Variants in MAP4K5 observed in about 807,000 individuals in gnomAD.
MAP4K5 encodes the protein MAPK/ERK kinase kinase kinase 5.
A neutral mutation model predicts 135.6 loss-of-function variants in MAP4K5; 82 were observed. The ratio of observed to expected loss-of-function variants is 0.60; its 90% CI spans 0.51 to 0.73. The LOEUF (loss-of-function observed/expected upper bound fraction) is 0.73. Ranked by LOEUF, MAP4K5 falls within the 30% of genes least tolerant of loss-of-function variation. The probability of loss-of-function intolerance (pLI) is 0.00; values close to 1 mark genes in which losing one functional copy is unlikely to be tolerated. For missense variants in MAP4K5, 907 were observed against 1,010.9 expected (o/e 0.90, Z 1.39); for synonymous variants, 347 against 335.0 (o/e 1.04, Z -0.39).
intron 1 of MAP4K5, among the ~76,000 whole-genome samples, chr14:50,548,654 C>G (rs945436759): frequency 4.6e-5 from 7 of 152,096 alleles, no homozygotes; most frequent in African/African-American, 1.7e-4. Context: ...GGACTACAGG[C>G]ACACACCGCC....
At chr14:50,487,303 C>T (rs1395057465) in intron 3 of MAP4K5, among the ~76,000 whole-genome samples, 1 of 152,072 alleles carries the variant, frequency 6.6e-6, no homozygotes, top group Non-Finnish European at 1.5e-5. Flanking sequence ...CGAGACTCCA[C>T]CTCAAAAACA....
chr14:50,486,116 C>A lies in MAP4K5; in HGVS notation c.245G>T (p.Gly82Val). 1 of 1,352,718 alleles carries A rather than the reference C, an allele frequency of 7.4e-7. No individual in the cohort carries two copies. Among genetic ancestry groups the A allele is most frequent in the South Asian group, 1.4e-5 (1 of 74,054 alleles). 83.8% of individuals were successfully genotyped at this position (1,352,718 alleles called of 1,614,324 possible). ...TTTTTTCTCTTACCTAAGATAACTC[C>A]CAAAGTAGGCAACGATGTTACAATG... ...CKHCNIVAYFGSYLSREKLWI... is the reference protein window; with the variant it reads ...CKHCNIVAYFVSYLSREKLWI... Residue 82 changes from glycine (G) to valine (V), a missense_variant, in exon 4 of 33, where the codon GGG (glycine) becomes GTG (valine). By Grantham distance (109) the Gly-to-Val change is moderately radical. This residue lies in a region of MAP4K5 where 196 missense variants were observed against 189.3 expected (regional missense o/e 1.04). Coordinates refer to ENST00000682126, the MANE Select transcript of MAP4K5 (RefSeq NM_006575.6).
chr14:50,508,200 G>A (rs991353077), intron 2 of MAP4K5, among the ~76,000 whole-genome samples: 5 of 151,800 alleles, frequency 3.3e-5, no homozygotes, highest in African/African-American at 1.2e-4. Context: ...CATTTCCTTG[G>A]TAGATTTTCC....
chr14:50,523,750 G>A (rs1310843778), intron 2 of MAP4K5, among the ~76,000 whole-genome samples: 2 of 152,084 alleles, frequency 1.3e-5, no homozygotes, highest in Non-Finnish European at 2.9e-5. Context: ...TTCCATGAGG[G>A]GAGGAATCTT....
At chr14:50,509,916 A>G (rs28733648) in intron 2 of MAP4K5, among the ~76,000 whole-genome samples, 65 of 152,358 alleles carry the variant, frequency 4.3e-4, no homozygotes, top group African/African-American at 1.5e-3. Flanking sequence ...AGATTTAAGT[A>G]TAAGTGCCAT....
Position 50,486,099 on chromosome 14 carries a change from CT to C in MAP4K5, c.257+4del. Reference sequence around the variant, plus strand: ...AGAGAGAGATGATGCTTTTTTTTCTCTTACCTAAGATAACTCCCAAAGTAGG... The same window carrying C: ...AGAGAGAGATGATGCTTTTTTTTCTCTACCTAAGATAACTCCCAAAGTAGG... On this transcript the variant is annotated splice_donor_region_variant and intron_variant, in intron 4 of 32. Coordinates refer to ENST00000682126, the MANE Select transcript of MAP4K5 (RefSeq NM_006575.6). The C allele has an allele frequency of 8.7e-7, 1 of 1,147,510 alleles. No individual in the cohort carries two copies. The highest frequency in any genetic ancestry group is 1.3e-6 in the Non-Finnish European group (1 of 798,886). 71.1% of individuals were successfully genotyped at this position (1,147,510 alleles called of 1,614,324 possible).
Position 50,553,681 on chromosome 14 carries a change from A to C in MAP4K5, c.-180+7359T>G, listed in dbSNP as rs1310750237. On this transcript the variant is annotated intron_variant, in intron 1 of 8. Coordinates refer to the MAP4K5 transcript ENST00000555216. Reference sequence around the variant, plus strand: ...GTTTGTAGCAGCACAATTCACAATTACAAAGATATGGAACCAAGCTAAATG... The same window carrying C: ...GTTTGTAGCAGCACAATTCACAATTCCAAAGATATGGAACCAAGCTAAATG... 2.0e-5 allele frequency among the ~76,000 whole-genome samples: 3 copies of C among 152,240 alleles called. No individual in the cohort carries two copies. The East Asian group carries it at 5.8e-4, about 29-fold the overall frequency.
intron 3 of MAP4K5, among the ~76,000 whole-genome samples, chr14:50,487,586 A>G (rs1312357234): frequency 1.3e-5 from 2 of 152,240 alleles, no homozygotes; most frequent in Non-Finnish European, 2.9e-5. Flanking sequence ...GGTTACGTAT[A>G]CCTTAAACAT....
intron 14 of MAP4K5, among the ~76,000 whole-genome samples, chr14:50,454,177 A>G (rs2139769963): frequency 6.6e-6 from 1 of 152,292 alleles, no homozygotes; most frequent in East Asian, 1.9e-4. Context: ...TGCTTTTTGT[A>G]TAATTCCATT....
chr14:50,450,810 C>A (rs1329253128), intron 14 of MAP4K5, among the ~76,000 whole-genome samples: 1 of 152,084 alleles, frequency 6.6e-6, no homozygotes, highest in Admixed American at 6.5e-5. Context: ...AGTAGACATA[C>A]CAGGTAATTA....
intron 1 of MAP4K5, among the ~76,000 whole-genome samples, chr14:50,550,264 C>G (rs1380459649): frequency 1.3e-5 from 2 of 152,210 alleles, no homozygotes; most frequent in Non-Finnish European, 2.9e-5. Flanking sequence ...TAAGCCAGAA[C>G]TGAAGCCTGT....
chr14:50,429,427 A>G (rs913485966), intron 28 of MAP4K5, among the ~76,000 whole-genome samples, 167 bp from the exon 29 acceptor site: 12 of 152,228 alleles, frequency 7.9e-5, no homozygotes, highest in Non-Finnish European at 1.8e-4. Flanking sequence ...AATCAATTTA[A>G]GAGGACAAAT....
At chr14:50,477,092 A>G (rs552097453) in intron 6 of MAP4K5, among the ~76,000 whole-genome samples, 2 of 152,268 alleles carry the variant, frequency 1.3e-5, no homozygotes, top group South Asian at 4.1e-4. Flanking sequence ...TCATCTCAAC[A>G]GTATTGAGTC....
At chr14:50,469,542 G>A (rs1381769767) in intron 9 of MAP4K5, among the ~76,000 whole-genome samples, 1 of 152,164 alleles carries the variant, frequency 6.6e-6, no homozygotes, top group Non-Finnish European at 1.5e-5. Flanking sequence ...AAACTGCATG[G>A]CAAGATGAAG....
chr14:50,468,873 G>C, intron 9 of MAP4K5, 91 bp from the exon 10 acceptor site: 1 of 1,213,252 alleles, frequency 8.2e-7, no homozygotes, highest in Non-Finnish European at 1.2e-6. Context: ...TTGTTGGAGG[G>C]AAGGAAGCTG....
intron 15 of MAP4K5, 78 bp downstream of exon 15, chr14:50,448,696 T>G: frequency 1.3e-6 from 1 of 768,738 alleles, no homozygotes; most frequent in Non-Finnish European, 2.1e-6. Context: ...CTTTGTTTTC[T>G]AATCAAAGTA....
chr14:50,479,334 T>C (rs1595492083), intron 6 of MAP4K5, among the ~76,000 whole-genome samples: 2 of 152,176 alleles, frequency 1.3e-5, no homozygotes, highest in East Asian at 3.8e-4. Flanking sequence ...ATGTTTCATT[T>C]TGAATATTTT....
At chr14:50,510,728 A>C (rs2037914426) in intron 2 of MAP4K5, among the ~76,000 whole-genome samples, 1 of 152,220 alleles carries the variant, frequency 6.6e-6, no homozygotes, top group African/African-American at 2.4e-5. Context: ...TGGTAGAAAA[A>C]TTAAAATAAT....
rs2036598181 is a variant in MAP4K5, at chr14:50,456,554, C to T, written c.977G>A (p.Arg326Lys). 4 of 1,580,396 alleles carry T rather than the reference C, an allele frequency of 2.5e-6. No individual in the cohort carries two copies. The South Asian group carries it at 3.5e-5, about 14-fold the overall frequency. ...IIRHTIRSTN[R>K]NARAERTASE... ...AGCTGTCCGTTCAGCTCTGGCATTC[C>T]TGTTTGTAGATCTAATGGTATGACG... Residue 326 changes from arginine to lysine, a missense_variant, in exon 14 of 33, where the codon AGG (arginine) becomes AAG (lysine). Arg to Lys is a conservative substitution (Grantham distance 26). Around this residue, in one of 3 missense-constraint regions of MAP4K5, gnomAD observed 690 missense variants for 777.4 expected, o/e 0.89. Coordinates refer to ENST00000682126, the MANE Select transcript of MAP4K5 (RefSeq NM_006575.6).
Sources: allele counts gnomAD v4.1 joint callset (sites outside exome capture counted in the v4.1 genomes callset), GRCh38; gene constraint gnomAD v4.1.1; regional missense constraint gnomAD v4.1.1; transcripts MANE v1.5; gene names NCBI Gene and HGNC (gene_info 2026-07-23, HGNC 2026-07-21).